TRPM3: variants seen among roughly 807,000 people sequenced by gnomAD.
The protein encoded by TRPM3 is transient receptor potential cation channel subfamily M member 3.
A neutral mutation model predicts 181.2 loss-of-function variants in TRPM3; 77 were observed. The observed-to-expected ratio is 0.42, with a 90% confidence interval of 0.35 to 0.51. The LOEUF is 0.51. Among genes scored for constraint, TRPM3 ranks in the 20% least tolerant of loss-of-function variants. TRPM3 has a pLI of 0.01. For synonymous variants in TRPM3, 745 were observed against 796.4 expected, an observed-to-expected ratio of 0.94 and a Z score of 1.09; for missense variants, 1,759 against 2,196.7, an observed-to-expected ratio of 0.80 and a Z score of 3.98.
chr9:71,398,640 G>T (rs979177904), intron 1 of TRPM3, among the ~76,000 whole-genome samples: 2 of 152,134 alleles, frequency 1.3e-5, no homozygotes, highest in Non-Finnish European at 2.9e-5. Context: ...CACCATGATT[G>T]TAAGTTTCCT....
chr9:70,575,814 G>T (rs537956267), intron 22 of TRPM3, among the ~76,000 whole-genome samples: 40 of 152,198 alleles, frequency 2.6e-4, no homozygotes, highest in Admixed American at 8.5e-4. Flanking sequence ...CCTCTGTCCT[G>T]GACTGTTCCT....
chr9:71,216,882 C>T (rs1206858221), intron 1 of TRPM3, among the ~76,000 whole-genome samples: 1 of 150,248 alleles, frequency 6.7e-6, no homozygotes, highest in Non-Finnish European at 1.5e-5. Flanking sequence ...GTGAAAATAC[C>T]ATTGCTGTAA....
intron 1 of TRPM3, among the ~76,000 whole-genome samples, chr9:71,309,386 CCAATT>C (rs2087704107): frequency 6.6e-6 from 1 of 152,032 alleles, no homozygotes; most frequent in African/African-American, 2.4e-5. Flanking sequence ...CAGAAGGATA[CCAATT>C]CAATAGCTTG....
At chr9:71,022,856 A>G (rs977089593) in intron 1 of TRPM3, among the ~76,000 whole-genome samples, 1 of 152,092 alleles carries the variant, frequency 6.6e-6, no homozygotes, top group African/African-American at 2.4e-5. Flanking sequence ...ATAAAATAAA[A>G]TGGATTACAG....
intron 1 of TRPM3, among the ~76,000 whole-genome samples, chr9:70,938,982 T>A (rs1225527835): frequency 2.0e-5 from 3 of 150,758 alleles, no homozygotes; most frequent in African/African-American, 7.3e-5. Flanking sequence ...AAATAAAAAA[T>A]AAAAAAATAA....
At chr9:71,137,278 A>ATGTTAGG in intron 1 of TRPM3, among the ~76,000 whole-genome samples, 1 of 152,180 alleles carries the variant, frequency 6.6e-6, no homozygotes, top group South Asian at 2.1e-4. Flanking sequence ...CATTTTCATG[A>ATGTTAGG]CCTCAACCTA....
intron 1 of TRPM3, among the ~76,000 whole-genome samples, chr9:71,189,690 C>T (rs2077891765): frequency 6.6e-6 from 1 of 151,612 alleles, no homozygotes; most frequent in Non-Finnish European, 1.5e-5. Flanking sequence ...ACCTTTTCAT[C>T]CCTCAAGGCC....
intron 1 of TRPM3, among the ~76,000 whole-genome samples, chr9:71,303,220 A>G (rs1158218722): frequency 6.6e-6 from 1 of 152,234 alleles, no homozygotes; most frequent in African/African-American, 2.4e-5. Context: ...ATTGCCCTAT[A>G]AAAAACCTAA....
intron 1 of TRPM3, among the ~76,000 whole-genome samples, chr9:70,965,178 A>G (rs1295670727): frequency 2.0e-5 from 3 of 152,054 alleles, no homozygotes; most frequent in Admixed American, 2.0e-4. Context: ...CCTTTGGCAC[A>G]TAAAATAGTT....
At chr9:71,050,205 C>T (rs559475319) in intron 1 of TRPM3, among the ~76,000 whole-genome samples, 18 of 152,228 alleles carry the variant, frequency 1.2e-4, no homozygotes, top group African/African-American at 4.3e-4. Flanking sequence ...GACTTATTCA[C>T]CATTGTTTTG....
At chr9:70,939,455 C>T (rs184857341) in intron 1 of TRPM3, among the ~76,000 whole-genome samples, 1 of 152,236 alleles carries the variant, frequency 6.6e-6, no homozygotes. Flanking sequence ...TATTAGTCAG[C>T]CTAACTGCTT....
At chr9:70,829,883 T>C (rs2093784168) in intron 5 of TRPM3, among the ~76,000 whole-genome samples, 1 of 152,184 alleles carries the variant, frequency 6.6e-6, no homozygotes, top group South Asian at 2.1e-4. Context: ...TACTTGTTTT[T>C]TATCATAAAA....
intron 8 of TRPM3, among the ~76,000 whole-genome samples, chr9:70,749,788 A>G (rs1046297277): frequency 6.6e-6 from 1 of 152,228 alleles, no homozygotes; most frequent in Admixed American, 6.5e-5. Context: ...ATCTTCTAAC[A>G]TAATTAAATA....
intron 6 of TRPM3, among the ~76,000 whole-genome samples, chr9:70,803,838 G>C (rs2089972620): frequency 6.6e-6 from 1 of 151,978 alleles, no homozygotes; most frequent in Non-Finnish European, 1.5e-5. Flanking sequence ...GAATTACGAA[G>C]ACAAAAGGTC....
chr9:71,178,738 A>G (rs1294225707), intron 1 of TRPM3, among the ~76,000 whole-genome samples: 1 of 152,148 alleles, frequency 6.6e-6, no homozygotes, highest in African/African-American at 2.4e-5. Context: ...TGTGAGATTC[A>G]TTCCATTCTG....
chr9:71,279,290 A>G (rs1208961026), intron 1 of TRPM3, among the ~76,000 whole-genome samples: 1 of 152,100 alleles, frequency 6.6e-6, no homozygotes, highest in East Asian at 1.9e-4. Context: ...TGGGTAGAAA[A>G]TATACTATGA....
chr9:70,864,418 G>T lies in TRPM3; in HGVS notation c.257+14C>A. 1 of 1,471,662 alleles carries T rather than the reference G, an allele frequency of 6.8e-7. No homozygotes were observed. The highest frequency in any genetic ancestry group is 1.5e-5 in the African/African-American group (1 of 67,394). The allele number at this position is 1,471,662 out of a possible 1,614,324, so 91.2% of individuals were successfully genotyped here. A position where few individuals can be genotyped will look rare whatever the true frequency, so the allele number is the denominator to read the frequency against. ...ACTACTTCATGTTCTCAACATTATA[G>T]ACAGCAAGATTACCTATGGGGGTCT... On this transcript the variant is annotated intron_variant, in intron 2 of 25. Coordinates refer to ENST00000677713, the MANE Select transcript of TRPM3 (RefSeq NM_001366145.2).
intron 1 of TRPM3, among the ~76,000 whole-genome samples, chr9:71,331,428 TGACATAGTTACTG>T (rs1430104026): frequency 6.6e-6 from 1 of 151,888 alleles, no homozygotes; most frequent in African/African-American, 2.4e-5. Flanking sequence ...GTTGGTTTCC[TGACATAGTTACTG>T]GACATAGTTG....
At position 71,431,904 on chromosome 9, in the gene TRPM3, G is replaced by A. The variant is rs563095234; in HGVS notation, c.183+14749C>T. Among the ~76,000 whole-genome samples, 4 of 152,216 alleles carry A rather than the reference G, an allele frequency of 2.6e-5. No individual in the cohort carries two copies. In the South Asian group the frequency reaches 8.3e-4, roughly 32 times the overall value. On this transcript the variant is annotated intron_variant, in intron 1 of 24. Coordinates refer to the TRPM3 transcript ENST00000357533. ...CCAAAGTCTACAGGATTTTCATTAT[G>A]CTCTTTCACTTACTTCACACACAAT...
Sources: gnomAD v4.1 joint callset for allele counts (sites outside exome capture counted in the v4.1 genomes callset) on GRCh38, gnomAD v4.1.1 for gene constraint, MANE v1.5 for transcripts, NCBI Gene and HGNC (gene_info 2026-07-23, HGNC 2026-07-21) for gene names.